Variants in SLC19A3 observed in about 807,000 individuals in gnomAD.
The protein encoded by SLC19A3 is thiamine transporter 2.
In SLC19A3, 31 loss-of-function variants were observed where a neutral mutation model predicts 40.2. The observed-to-expected ratio is 0.77, with a 90% CI of 0.58 to 1.04. The LOEUF is 1.04. Ranked by LOEUF, SLC19A3 falls within the 50% of genes least tolerant of loss-of-function variation. The pLI, the probability that SLC19A3 is intolerant of heterozygous loss-of-function variation, is 0.00. For missense variants in SLC19A3, 592 were observed against 596.7 expected (o/e 0.99, Z 0.08); for synonymous variants, 212 against 227.5 (o/e 0.93, Z 0.61).
At chr2:227,693,293 A>C (rs968938611) in intron 4 of SLC19A3, among the ~76,000 whole-genome samples, 13 of 152,238 alleles carry the variant, frequency 8.5e-5, no homozygotes, top group African/African-American at 2.4e-4. Flanking sequence ...ACAACAACAA[A>C]AAACTGGAGG....
intron 2 of SLC19A3, among the ~76,000 whole-genome samples, 180 bp from the exon 3 acceptor site, chr2:227,699,744 C>G (rs1445254273): frequency 6.6e-6 from 1 of 152,134 alleles, no homozygotes; most frequent in Non-Finnish European, 1.5e-5. Context: ...TTGGTAAAAA[C>G]CAATGTACAC....
chr2:227,707,264 T>C (rs1179757733), intron 1 of SLC19A3, among the ~76,000 whole-genome samples: 1 of 152,254 alleles, frequency 6.6e-6, no homozygotes, highest in Non-Finnish European at 1.5e-5. Flanking sequence ...ACTGATGGGT[T>C]CCTTTCTTCT....
chr2:227,699,998 C>T (rs1695618891), intron 2 of SLC19A3, among the ~76,000 whole-genome samples: 1 of 151,908 alleles, frequency 6.6e-6, no homozygotes, highest in Admixed American at 6.6e-5. Context: ...CCATCTCAGC[C>T]TCCTGAGTAG....
Position 227,715,163 on chromosome 2 carries a change from T to C in SLC19A3, c.-3+2780A>G, listed in dbSNP as rs1696290092. ...CTAAAGTCACCTAATTTAGCTTCTA[T>C]AGAATTTTGTGCTAAGTGACCTAGA... On this transcript the variant is annotated intron_variant, in intron 1 of 5. Coordinates refer to ENST00000644224, the MANE Select transcript of SLC19A3 (RefSeq NM_025243.4). 1.3e-5 allele frequency among the ~76,000 whole-genome samples: 2 copies of C among 151,578 alleles called. 1 individual carries two copies. The highest frequency in any genetic ancestry group is 3.9e-4 in the East Asian group (2 of 5,120).
chr2:227,716,993 CTTTTTTTTTTT>C (rs61164911), intron 1 of SLC19A3, among the ~76,000 whole-genome samples: 3 of 67,142 alleles, frequency 4.5e-5, no homozygotes, highest in East Asian at 6.7e-4. Flanking sequence ...CATGAGAGTG[CTTTTTTTTTTT>C]TTTTTTTTTT....
Position 227,713,796 on chromosome 2 carries a change from G to C in SLC19A3, c.-3+4147C>G, listed in dbSNP as rs570381574. ...AGATGTACTTCAACAAAGATGATTTGAAAAAAAAACAACAAAACAAATCAC... is the reference window on the plus strand; with the variant it reads ...AGATGTACTTCAACAAAGATGATTTCAAAAAAAAACAACAAAACAAATCAC... On this transcript the variant is annotated intron_variant, in intron 1 of 5. Transcript: ENST00000644224. Among the ~76,000 whole-genome samples, 409 of 150,266 alleles carry C rather than the reference G, an allele frequency of 2.7e-3. 3 individuals carry two copies. Among genetic ancestry groups the C allele is most frequent in the Non-Finnish European group, 4.0e-3 (273 of 67,650 alleles).
chr2:227,715,113 C>T (rs1177636459), intron 1 of SLC19A3, among the ~76,000 whole-genome samples: 1 of 151,952 alleles, frequency 6.6e-6, no homozygotes, highest in African/African-American at 2.4e-5. Flanking sequence ...AGCCGCCGTG[C>T]CTGGCCTTGC....
Position 227,688,243 on chromosome 2 carries a change from TA to T in SLC19A3, c.1236del (p.Phe412LeufsTer5). ...RYALVFGINT[F>X]IALVIQTIMT... ...ATGATGGTCTGAATCACCAAGGCAA[TA>T]AAGGTGTTGATTCCAAATACCAAGG... On this transcript the variant is annotated frameshift_variant, in exon 5 of 6. Coordinates refer to ENST00000644224, the MANE Select transcript of SLC19A3 (RefSeq NM_025243.4). LOFTEE classifies it high-confidence loss of function. 1.2e-6 allele frequency: 2 copies of T among 1,614,042 alleles called. No homozygotes were observed. Among genetic ancestry groups the T allele is most frequent in the South Asian group, 2.2e-5 (2 of 91,082 alleles).
rs1204470065 is a variant in SLC19A3 at position 227,687,162 on chromosome 2, G to T, written c.*235C>A. The T allele has an allele frequency of 2.4e-6, 1 of 421,432 alleles. No homozygotes were observed. The highest frequency in any genetic ancestry group is 4.4e-5 in the South Asian group (1 of 22,824). 26.1% of individuals were successfully genotyped at this position (421,432 alleles called of 1,614,324 possible). A position where few individuals can be genotyped will look rare whatever the true frequency, so the allele number is the denominator to read the frequency against. On this transcript the variant is annotated 3_prime_UTR_variant, in exon 6 of 6. Coordinates refer to ENST00000644224, the MANE Select transcript of SLC19A3 (RefSeq NM_025243.4). ...TTCCAGCTGCTACTAGTCACAGGGG[G>T]TCCCCAATATGGGTTGTTTAATTAT...
chr2:227,689,262 G>T (rs190769598), intron 4 of SLC19A3, among the ~76,000 whole-genome samples: 1 of 152,042 alleles, frequency 6.6e-6, no homozygotes, highest in Admixed American at 6.6e-5. Flanking sequence ...CAAGGACAAG[G>T]TTACAGAACA....
intron 4 of SLC19A3, among the ~76,000 whole-genome samples, chr2:227,692,271 A>G (rs1408535864): frequency 6.6e-6 from 1 of 152,206 alleles, no homozygotes; most frequent in African/African-American, 2.4e-5. Flanking sequence ...ACTACAGGCC[A>G]ATCTCTGATG....
intron 1 of SLC19A3, among the ~76,000 whole-genome samples, chr2:227,711,280 C>A (rs1007235994): frequency 8.6e-4 from 130 of 152,032 alleles, no homozygotes; most frequent in African/African-American, 3.0e-3. Flanking sequence ...ATTAGCTGGG[C>A]ATGGTGGTGG....
intron 3 of SLC19A3, 59 bp downstream of exon 3, chr2:227,698,677 G>T (rs1182800380): frequency 1.4e-6 from 2 of 1,441,304 alleles, no homozygotes; most frequent in Non-Finnish European, 2.0e-6. Context: ...TTCGGTACCT[G>T]GAGGAATGGA....
chr2:227,691,995 A>G (rs1695249616), intron 4 of SLC19A3, among the ~76,000 whole-genome samples: 2 of 150,248 alleles, frequency 1.3e-5, no homozygotes, highest in Non-Finnish European at 2.9e-5. Context: ...AAATTCCTAT[A>G]TACAAACAAC....
intron 4 of SLC19A3, among the ~76,000 whole-genome samples, chr2:227,688,907 G>C (rs754756782): frequency 6.6e-6 from 1 of 152,128 alleles, no homozygotes; most frequent in African/African-American, 2.4e-5. Context: ...AATTCTGTCA[G>C]ATAAATTTAA....
rs567352072 is a variant in SLC19A3 at position 227,700,134 on chromosome 2, C to T, written c.151-570G>A. Among the ~76,000 whole-genome samples, 292 of 151,980 alleles carry T rather than the reference C, an allele frequency of 1.9e-3. 1 individual carries two copies. The highest frequency in any genetic ancestry group is 3.1e-3 in the Non-Finnish European group (211 of 67,970). On this transcript the variant is annotated intron_variant, in intron 2 of 5. Coordinates refer to ENST00000644224, the MANE Select transcript of SLC19A3 (RefSeq NM_025243.4). The stretch of plus-strand genomic sequence containing the variant: ...TTAGGTGATCCGCCCACCTCGGCCT[C>T]CCAAAGTGCTGGGATTATAGGCGTG...
At chr2:227,697,108 C>G (rs960763825) in intron 3 of SLC19A3, among the ~76,000 whole-genome samples, 1 of 151,964 alleles carries the variant, frequency 6.6e-6, no homozygotes, top group Non-Finnish European at 1.5e-5. Context: ...CAAATTACTA[C>G]ATTGACATAT....
intron 2 of SLC19A3, among the ~76,000 whole-genome samples, chr2:227,700,583 T>A (rs1244763603): frequency 1.3e-5 from 2 of 152,088 alleles, no homozygotes; most frequent in Non-Finnish European, 2.9e-5. Flanking sequence ...TTTCATGTGA[T>A]CTATCACTAC....
At chr2:227,707,163 G>A (rs923363736) in intron 1 of SLC19A3, among the ~76,000 whole-genome samples, 4 of 152,166 alleles carry the variant, frequency 2.6e-5, no homozygotes, top group African/African-American at 9.7e-5. Flanking sequence ...GACACTGTGG[G>A]GATACACAGA....
Sources: gnomAD v4.1 joint callset for allele counts (sites outside exome capture counted in the v4.1 genomes callset) on GRCh38, gnomAD v4.1.1 for gene constraint, MANE v1.5 for transcripts, NCBI Gene and HGNC (gene_info 2026-07-23, HGNC 2026-07-21) for gene names.